Variants in FSIP1 observed in about 807,000 individuals in gnomAD.
FSIP1 encodes fibrous sheath interacting protein 1, also known as fibrous sheath-interacting protein 1.
A neutral mutation model predicts 60.9 loss-of-function variants in FSIP1; 65 were observed. The ratio of observed to expected loss-of-function variants is 1.07; its 90% CI spans 0.87 to 1.31. The LOEUF is 1.31. Among genes scored for constraint, FSIP1 ranks in the 40% most tolerant of loss-of-function variants. The pLI is 0.00. For synonymous variants in FSIP1, 209 were observed against 221.2 expected, an observed-to-expected ratio of 0.94 and a Z score of 0.49; for missense variants, 675 against 665.5, an observed-to-expected ratio of 1.01 and a Z score of -0.16.
At chr15:39,668,475 T>C (rs1893589768) in intron 10 of FSIP1, among the ~76,000 whole-genome samples, 3 of 152,186 alleles carry the variant, frequency 2.0e-5, no homozygotes, top group Non-Finnish European at 4.4e-5. Flanking sequence ...CAAGTTGAAA[T>C]TTTCATGTCT....
chr15:39,775,855 C>T (rs1898036742), intron 2 of FSIP1, among the ~76,000 whole-genome samples: 1 of 152,058 alleles, frequency 6.6e-6, no homozygotes, highest in Non-Finnish European at 1.5e-5. Flanking sequence ...TTATAAATTA[C>T]CCAGTCTCAG....
chr15:39,679,653 T>A (rs1344770221), intron 10 of FSIP1, among the ~76,000 whole-genome samples: 1 of 152,140 alleles, frequency 6.6e-6, no homozygotes, highest in East Asian at 1.9e-4. Flanking sequence ...GATAACCTGA[T>A]CAAACAGGAG....
At chr15:39,615,565 C>T (rs1232223172) in intron 11 of FSIP1, among the ~76,000 whole-genome samples, 3 of 152,002 alleles carry the variant, frequency 2.0e-5, no homozygotes, top group Admixed American at 6.6e-5. Flanking sequence ...CGAGATGCTA[C>T]ATCACACCTG....
At position 39,702,706 on chromosome 15, in the gene FSIP1, ATAT is replaced by A. The variant is rs543644886; in HGVS notation, c.1188+10735_1188+10737del. ...TAAATATGGTGTGAGTGTGTATCACATATTATAATTTTTACAATAATTATTTTA... is the reference window on the plus strand; with the variant it reads ...TAAATATGGTGTGAGTGTGTATCACATATAATTTTTACAATAATTATTTTA... On this transcript the variant is annotated intron_variant, in intron 10 of 11. Coordinates refer to ENST00000350221, the MANE Select transcript of FSIP1 (RefSeq NM_152597.5). 5.3e-5 allele frequency among the ~76,000 whole-genome samples: 8 copies of A among 151,146 alleles called. No homozygotes were observed. The South Asian group carries it at 1.7e-3, about 31-fold the overall frequency.
intron 7 of FSIP1, among the ~76,000 whole-genome samples, chr15:39,738,919 G>A (rs1264832259): frequency 6.6e-6 from 1 of 152,206 alleles, no homozygotes; most frequent in African/African-American, 2.4e-5. Flanking sequence ...CATCAGGCTT[G>A]AAGGGTAAAA....
intron 1 of FSIP1, 93 bp from the exon 2 acceptor site, chr15:39,776,624 G>T: frequency 1.7e-6 from 2 of 1,149,958 alleles, no homozygotes; most frequent in Non-Finnish European, 2.5e-6. Context: ...CAGAGGCTTT[G>T]TTTTAAAGAT....
At chr15:39,649,492 A>G (rs114422477) in intron 10 of FSIP1, among the ~76,000 whole-genome samples, 1 of 152,346 alleles carries the variant, frequency 6.6e-6, no homozygotes, top group African/African-American at 2.4e-5. Flanking sequence ...AATTTACTCT[A>G]GCTTACTTCT....
intron 10 of FSIP1, among the ~76,000 whole-genome samples, chr15:39,661,215 C>T (rs1243537743): frequency 2.0e-5 from 3 of 152,166 alleles, no homozygotes; most frequent in South Asian, 4.1e-4. Context: ...ATTTCCCTGG[C>T]AATTTTTTCT....
intron 11 of FSIP1, among the ~76,000 whole-genome samples, chr15:39,605,861 T>C (rs1418357758): frequency 6.6e-6 from 1 of 152,232 alleles, no homozygotes; most frequent in Non-Finnish European, 1.5e-5. Flanking sequence ...TACAGGGTAT[T>C]AAGCCATCTT....
chr15:39,708,325 G>A (rs1022008397), intron 10 of FSIP1, among the ~76,000 whole-genome samples: 13 of 152,070 alleles, frequency 8.5e-5, no homozygotes, highest in Admixed American at 8.5e-4. Flanking sequence ...GGCACCCCAT[G>A]ATACTTCAAC....
chr15:39,763,144 T>C (rs554759589), intron 5 of FSIP1, among the ~76,000 whole-genome samples: 17 of 152,210 alleles, frequency 1.1e-4, no homozygotes, highest in Admixed American at 4.6e-4. Context: ...AGATTATACA[T>C]GTGTTACCTC....
At chr15:39,661,478 A>G (rs1260909849) in intron 10 of FSIP1, among the ~76,000 whole-genome samples, 5 of 152,226 alleles carry the variant, frequency 3.3e-5, no homozygotes, top group Non-Finnish European at 7.3e-5. Flanking sequence ...CTAGGACCTA[A>G]TAACATGATT....
At chr15:39,710,129 A>G (rs1410928743) in intron 10 of FSIP1, among the ~76,000 whole-genome samples, 2 of 152,210 alleles carry the variant, frequency 1.3e-5, no homozygotes, top group African/African-American at 2.4e-5. Context: ...GGTACACAAC[A>G]TGAATCCACA....
At chr15:39,771,597 T>C (rs145211407) in intron 2 of FSIP1, among the ~76,000 whole-genome samples, 368 of 152,308 alleles carry the variant, frequency 2.4e-3, no homozygotes, top group Non-Finnish European at 4.1e-3. Flanking sequence ...CATCATTTAT[T>C]GAAGAATTAC....
intron 10 of FSIP1, among the ~76,000 whole-genome samples, chr15:39,649,058 AACCAATAGCTCAAAAGCTGAGT>A (rs1892753874): frequency 1.3e-5 from 2 of 152,294 alleles, no homozygotes; most frequent in South Asian, 2.1e-4. Flanking sequence ...AAACGGAAAC[AACCAATAGCTCAAAAGCTGAGT>A]ACCATAAACA....
At chr15:39,723,026 T>C (rs1047989642) in intron 9 of FSIP1, among the ~76,000 whole-genome samples, 1 of 152,198 alleles carries the variant, frequency 6.6e-6, no homozygotes, top group African/African-American at 2.4e-5. Context: ...GGAAATAAGT[T>C]CTTTATATCA....
intron 10 of FSIP1, among the ~76,000 whole-genome samples, chr15:39,702,227 CCT>C (rs1232429819): frequency 6.6e-6 from 1 of 151,062 alleles, no homozygotes; most frequent in East Asian, 2.0e-4. Flanking sequence ...TGACCTTTAC[CCT>C]GTCTTGGGCT....
At chr15:39,656,792 GA>G (rs760114121) in intron 10 of FSIP1, among the ~76,000 whole-genome samples, 10 of 152,178 alleles carry the variant, frequency 6.6e-5, no homozygotes, top group African/African-American at 2.4e-4. Flanking sequence ...TTTTAAAAGA[GA>G]AAAAAATCAA....
At chr15:39,724,660 T>C (rs1027626243) in intron 9 of FSIP1, among the ~76,000 whole-genome samples, 10 of 152,228 alleles carry the variant, frequency 6.6e-5, no homozygotes, top group African/African-American at 2.4e-4. Flanking sequence ...TCCCATGTTA[T>C]ATTTTTGCCA....
Sources: allele counts gnomAD v4.1 joint callset (sites outside exome capture counted in the v4.1 genomes callset), GRCh38; gene constraint gnomAD v4.1.1; transcripts MANE v1.5; gene names NCBI Gene and HGNC (gene_info 2026-07-23, HGNC 2026-07-21).